MICALL1: variants seen among roughly 807,000 people sequenced by gnomAD.
MICALL1 encodes the protein MICAL like 1.
Under a neutral mutation model 83.7 loss-of-function variants are expected in MICALL1, and 61 were observed. That is an observed-to-expected ratio of 0.73 (90% CI 0.59 to 0.90). The LOEUF is 0.90. MICALL1 is among the 40% of genes least tolerant of loss of function. The pLI, the probability that MICALL1 is intolerant of heterozygous loss-of-function variation, is 0.00. For missense variants in MICALL1, 1,066 were observed against 1,152.0 expected (o/e 0.93, Z 1.08); for synonymous variants, 481 against 473.6 (o/e 1.02, Z -0.20).
chr22:37,922,467 G>A, intron 6 of MICALL1, 41 bp downstream of exon 6: 1 of 1,417,894 alleles, frequency 7.1e-7, no homozygotes, highest in South Asian at 1.4e-5. Flanking sequence ...CCGGGTGGCA[G>A]TGCACTGTCT....
chr22:37,932,060 G>GAGCA lies in MICALL1; in HGVS notation c.2016+128_2016+131dup. On this transcript the variant is annotated intron_variant, in intron 10 of 15. Coordinates refer to ENST00000215957, the MANE Select transcript of MICALL1 (RefSeq NM_033386.4). This position sits in a 1 kb window ranked among gnomAD's most constrained non-coding sequence, Gnocchi z 4.4. ...GGCAGTGGGCCTCAGATGCTCAAGA[G>GAGCA]AGCACTCTTGGCGGCCCAACTGGAA... is the stretch of plus-strand genomic sequence containing the variant. 1 of 1,394,242 alleles carries GAGCA rather than the reference G, an allele frequency of 7.2e-7. No homozygotes were observed. Among genetic ancestry groups the GAGCA allele is most frequent in the Non-Finnish European group, 9.6e-7 (1 of 1,043,634 alleles). The allele number at this position is 1,394,242 out of a possible 1,614,324, so 86.4% of individuals were successfully genotyped here.
intron 9 of MICALL1, 62 bp from the exon 10 acceptor site, chr22:37,931,737 C>T: frequency 1.9e-6 from 3 of 1,594,046 alleles, no homozygotes; most frequent in Non-Finnish European, 2.6e-6. Flanking sequence ...AAATATGAGG[C>T]TGCTGGGGTC....
At position 37,914,617 on chromosome 22, in the gene MICALL1, A is replaced by G. The variant is rs180808617; in HGVS notation, c.337+2125A>G. On this transcript the variant is annotated intron_variant, in intron 3 of 15. Coordinates refer to ENST00000215957, the MANE Select transcript of MICALL1 (RefSeq NM_033386.4). Reference sequence around the variant, plus strand: ...ATTATGTGTATATATGCGTGCGCGCACACACACACACACGCACATATATGT... The same window carrying G: ...ATTATGTGTATATATGCGTGCGCGCGCACACACACACACGCACATATATGT... Among the ~76,000 whole-genome samples, 402 of 150,480 alleles carry G rather than the reference A, an allele frequency of 2.7e-3. 1 individual carries two copies. The highest frequency in any genetic ancestry group is 6.3e-3 in the African/African-American group (259 of 41,196).
intron 3 of MICALL1, among the ~76,000 whole-genome samples, chr22:37,913,256 T>C (rs1034778638): frequency 2.0e-5 from 3 of 152,178 alleles, no homozygotes; most frequent in African/African-American, 7.2e-5. Flanking sequence ...GAGCCACTGG[T>C]GCCCGGCCTG....
Position 37,906,634 on chromosome 22 carries a change from C to A in MICALL1, c.146+66C>A, listed in dbSNP as rs188443789. On this transcript the variant is annotated intron_variant, in intron 1 of 15. Coordinates refer to ENST00000215957, the MANE Select transcript of MICALL1 (RefSeq NM_033386.4). The surrounding 1 kb of genome is among the most constrained non-coding windows in gnomAD (Gnocchi z 4.4). ...GCTGGGGCCGCGACCGCCGCCCCCC[C>A]TCAGTAACACGAAGCCCGGGCGGTG... The A allele has an allele frequency of 8.8e-6, 10 of 1,131,302 alleles. No homozygotes were observed. The highest frequency in any genetic ancestry group is 4.9e-5 in the Admixed American group (1 of 20,428). 70.1% of individuals were successfully genotyped at this position (1,131,302 alleles called of 1,614,324 possible).
rs186829738 is a variant in MICALL1 at position 37,940,278 on chromosome 22, C to T, written c.2471-431C>T. 4.3e-3 allele frequency among the ~76,000 whole-genome samples: 653 copies of T among 151,638 alleles called. 3 individuals are homozygous for T. The highest frequency in any genetic ancestry group is 0.018 in the South Asian group (88 of 4,794). ...CTCTACTAAAAATACAAAAATTAGCCGGGGCGTGGTGGCACCTGCCTGTAG... is the reference window on the plus strand; with the variant it reads ...CTCTACTAAAAATACAAAAATTAGCTGGGGCGTGGTGGCACCTGCCTGTAG... On this transcript the variant is annotated intron_variant, in intron 15 of 15. Coordinates refer to ENST00000215957, the MANE Select transcript of MICALL1 (RefSeq NM_033386.4).
rs545892604 is a variant in MICALL1, at chr22:37,927,694, C to T, written c.1749C>T (p.Pro583=). 2.5e-6 allele frequency: 4 copies of T among 1,614,174 alleles called. No individual in the cohort carries two copies. The South Asian group carries it at 4.4e-5, about 18-fold the overall frequency. Residue 583 remains proline, a synonymous_variant, in exon 9 of 16, where the codon CCC becomes CCT. Coordinates refer to ENST00000215957, the MANE Select transcript of MICALL1 (RefSeq NM_033386.4). ...QMPQASPGLA[P]RTRGSSGPQP... ...CTCAAGCCAGCCCTGGCCTTGCCCC[C>T]AGGACCAGGGGCAGCTCAGGTCCCC... is the stretch of plus-strand genomic sequence containing the variant.
rs1929834311 is a variant in MICALL1 at position 37,932,351 on chromosome 22, G to A, written c.2017-202G>A. On this transcript the variant is annotated intron_variant, in intron 10 of 15. Coordinates refer to ENST00000215957, the MANE Select transcript of MICALL1 (RefSeq NM_033386.4). This position sits in a 1 kb window ranked among gnomAD's most constrained non-coding sequence, Gnocchi z 4.4. The stretch of plus-strand genomic sequence containing the variant: ...ATGCCACCTTCTGGAGTGTCTGTTG[G>A]TGCTGGGACCAGTGGCATGCAGGGT... 6.6e-6 allele frequency among the ~76,000 whole-genome samples: 1 copy of A among 152,176 alleles called. No homozygotes were observed. Among genetic ancestry groups the A allele is most frequent in the African/African-American group, 2.4e-5 (1 of 41,464 alleles).
chr22:37,930,226 TG>T lies in MICALL1; in HGVS notation c.1882-1572del, dbSNP rs1482700034. Among the ~76,000 whole-genome samples, 1 of 152,048 alleles carries T rather than the reference TG, an allele frequency of 6.6e-6. No homozygotes were observed. Among genetic ancestry groups the T allele is most frequent in the Non-Finnish European group, 1.5e-5 (1 of 68,000 alleles). On this transcript the variant is annotated intron_variant, in intron 9 of 15. Coordinates refer to ENST00000215957, the MANE Select transcript of MICALL1 (RefSeq NM_033386.4). This position sits in a 1 kb window ranked among gnomAD's most constrained non-coding sequence, Gnocchi z 4.8. ...TTGGCTCTGCTGGCCCCTCTGGGTG[TG>T]TTAGAGGGAGGGGGCAGAACCCCGG...
At chr22:37,926,428 A>C (rs763517045) in intron 8 of MICALL1, 3 of 201,852 alleles carry the variant, frequency 1.5e-5, no homozygotes, top group South Asian at 1.3e-4. Flanking sequence ...ATCCTGCCTA[A>C]CTCTGTCACT....
intron 8 of MICALL1, among the ~76,000 whole-genome samples, chr22:37,926,317 C>T (rs768345085): frequency 1.7e-4 from 26 of 152,190 alleles, no homozygotes; most frequent in Non-Finnish European, 3.4e-4. Context: ...GAGTCTGGCC[C>T]GAGTCCATCT....
chr22:37,920,971 T>C (rs1471376718), intron 5 of MICALL1, among the ~76,000 whole-genome samples: 4 of 150,912 alleles, frequency 2.7e-5, no homozygotes. Context: ...ACCTGTAGTC[T>C]TAGGCATTTG....
Position 37,927,469 on chromosome 22 carries a change from G to A in MICALL1, c.1524G>A (p.Ala508=), listed in dbSNP as rs775986248. 2.9e-5 allele frequency: 47 copies of A among 1,608,188 alleles called. No individual in the cohort carries two copies. Among genetic ancestry groups the A allele is most frequent in the African/African-American group, 5.3e-5 (4 of 74,836 alleles). ...SEPPSATPSP[A]LSVESLSSES... is the part of the protein sequence containing the mutation. Reference sequence around the variant, plus strand: ...CGCCCTCGGCCACACCATCGCCAGCGCTCAGCGTGGAGAGCCTGTCGTCTG... The same window carrying A: ...CGCCCTCGGCCACACCATCGCCAGCACTCAGCGTGGAGAGCCTGTCGTCTG... The change falls in exon 9 of 16, where the codon GCG becomes GCA. Residue 508 remains alanine (A), a synonymous_variant. Transcript: ENST00000215957.
At chr22:37,935,677 C>G (rs920161971) in intron 13 of MICALL1, among the ~76,000 whole-genome samples, 1 of 152,178 alleles carries the variant, frequency 6.6e-6, no homozygotes, top group East Asian at 1.9e-4. Flanking sequence ...CTCAGCCTCC[C>G]CAGTAGCTGG....
chr22:37,921,235 T>C (rs1226509430), intron 5 of MICALL1, among the ~76,000 whole-genome samples: 3 of 152,218 alleles, frequency 2.0e-5, no homozygotes, highest in Non-Finnish European at 4.4e-5. Context: ...GCCTTTCTTG[T>C]ATGATACTGT....
intron 6 of MICALL1, 129 bp downstream of exon 6, chr22:37,922,555 C>A (rs1376736400): frequency 4.6e-6 from 2 of 434,696 alleles, no homozygotes; most frequent in Non-Finnish European, 7.9e-6. Context: ...TGTGTTGGGG[C>A]CTGCCTGTGT....
chr22:37,937,050 T>TCATGCCC (rs757366085), intron 13 of MICALL1, 30 bp from the exon 14 acceptor site: 21 of 1,535,286 alleles, frequency 1.4e-5, no homozygotes, highest in Middle Eastern at 1.7e-4. Context: ...TTCCTACCAC[T>TCATGCCC]CATGCCCCCT....
Position 37,927,638 on chromosome 22 carries a change from G to C in MICALL1, c.1693G>C (p.Glu565Gln). 2 of 1,614,134 alleles carry C rather than the reference G, an allele frequency of 1.2e-6. No homozygotes were observed. Among genetic ancestry groups the C allele is most frequent in the Non-Finnish European group, 1.7e-6 (2 of 1,180,014 alleles). ...STNSSLASSGELVEPRVEQMP... is the reference protein window; with the variant it reads ...STNSSLASSGQLVEPRVEQMP... ...CAACTCCTCCCTGGCCTCCTCTGGGGAACTAGTGGAGCCTAGAGTGGAACA... is the reference window on the plus strand; with the variant it reads ...CAACTCCTCCCTGGCCTCCTCTGGGCAACTAGTGGAGCCTAGAGTGGAACA... The change falls in exon 9 of 16, where the codon GAA becomes CAA. Residue 565 changes from glutamate to glutamine, a missense_variant. Glu to Gln is a conservative substitution (Grantham distance 29). Coordinates refer to ENST00000215957, the MANE Select transcript of MICALL1 (RefSeq NM_033386.4).
At chr22:37,929,880 C>T (rs1243726578) in intron 9 of MICALL1, among the ~76,000 whole-genome samples, 1 of 152,248 alleles carries the variant, frequency 6.6e-6, no homozygotes, top group Non-Finnish European at 1.5e-5. Context: ...GCCCATGTGC[C>T]TCAGGCATCG....
Sources: gnomAD v4.1 joint callset for allele counts (sites outside exome capture counted in the v4.1 genomes callset) on GRCh38, gnomAD v4.1.1 for gene constraint, Gnocchi (gnomAD v3.1) non-coding constraint, MANE v1.5 for transcripts, NCBI Gene and HGNC (gene_info 2026-07-23, HGNC 2026-07-21) for gene names.